ADAMTS17: variants seen among roughly 807,000 people sequenced by gnomAD.
ADAMTS17 encodes the protein ADAM metallopeptidase with thrombospondin type 1 motif 17, also known as A disintegrin and metalloproteinase with thrombospondin motifs 17.
In ADAMTS17, 113 loss-of-function variants were observed where a neutral mutation model predicts 141.5. The ratio of observed to expected loss-of-function variants is 0.80; its 90% CI spans 0.69 to 0.93. The LOEUF (loss-of-function observed/expected upper bound fraction) is 0.93, where lower values mean the gene tolerates loss of function less well. Among genes scored for constraint, ADAMTS17 ranks in the 40% least tolerant of loss-of-function variants. The pLI is 0.00. For synonymous variants in ADAMTS17, 768 were observed against 630.6 expected (o/e 1.22, Z -3.27); for missense variants, 1,659 against 1,517.9 (o/e 1.09, Z -1.54).
rs369750970 is a variant in ADAMTS17 at position 100,258,000 on chromosome 15, C to T, written c.1031+3479G>A. 6.3e-4 allele frequency among the ~76,000 whole-genome samples: 96 copies of T among 152,326 alleles called. No individual in the cohort carries two copies. The South Asian group carries it at 0.018, about 28-fold the overall frequency. The stretch of plus-strand genomic sequence containing the variant: ...TAGGTACCTCACATAAGTGGAATCA[C>T]GCAGTATTTGTCCTTGAGGTTCATC... On this transcript the variant is annotated intron_variant, in intron 6 of 21. Coordinates refer to ENST00000268070, the MANE Select transcript of ADAMTS17 (RefSeq NM_139057.4).
intron 3 of ADAMTS17, chr15:100,306,714 G>C (rs79519844): frequency 0.012 from 4,604 of 381,346 alleles, 199 homozygotes; most frequent in African/African-American, 0.088. Flanking sequence ...ACAGCAGTCA[G>C]CGCCATAACT....
chr15:100,295,253 G>A (rs888516792), intron 3 of ADAMTS17, among the ~76,000 whole-genome samples: 2 of 152,132 alleles, frequency 1.3e-5, no homozygotes, highest in Admixed American at 1.3e-4. Context: ...TCTGCCTCTT[G>A]TCTCCCAGCC....
chr15:100,135,073 A>T (rs908621272), intron 10 of ADAMTS17, among the ~76,000 whole-genome samples: 1 of 152,148 alleles, frequency 6.6e-6, no homozygotes, highest in Non-Finnish European at 1.5e-5. Context: ...AGCGGTTGGG[A>T]TTAGGAGAAA....
chr15:99,971,529 A>ATGTT lies in ADAMTS17; in HGVS notation c.*2869_*2872dup, dbSNP rs1407264969. The ATGTT allele has an allele frequency of 5.3e-5, 8 of 152,234 alleles. No homozygotes were observed. The highest frequency in any genetic ancestry group is 9.6e-5 in the African/African-American group (4 of 41,462). 9.4% of individuals were successfully genotyped at this position (152,234 alleles called of 1,614,324 possible). A position where few individuals can be genotyped will look rare whatever the true frequency, so the allele number is the denominator to read the frequency against. On this transcript the variant is annotated 3_prime_UTR_variant, in exon 22 of 22. Coordinates refer to ENST00000268070, the MANE Select transcript of ADAMTS17 (RefSeq NM_139057.4). ...TAATTTTCATGTATAATGGCGTCCA[A>ATGTT]TGTTTGTCTTCCGTTTTTTTTCCTT...
At chr15:100,183,901 G>A (rs1567315335) in intron 8 of ADAMTS17, among the ~76,000 whole-genome samples, 1 of 152,198 alleles carries the variant, frequency 6.6e-6, no homozygotes, top group Non-Finnish European at 1.5e-5. Flanking sequence ...CTCCTCTTCA[G>A]TCGCTGCTGG....
At chr15:100,128,026 T>C (rs942311542) in intron 12 of ADAMTS17, among the ~76,000 whole-genome samples, 1 of 152,104 alleles carries the variant, frequency 6.6e-6, no homozygotes, top group Non-Finnish European at 1.5e-5. Flanking sequence ...ACCCTCCTCA[T>C]GACCAGACAT....
rs1051762498 is a variant in ADAMTS17, at chr15:100,099,339, C to T, written c.2017-2863G>A. On this transcript the variant is annotated intron_variant, in intron 14 of 21. Transcript: ENST00000268070. ...CAAAATCTGCGAACGGGGGCATTTT[C>T]TTCCATTGTTTCAGTCAGCGCAAGC... Among the ~76,000 whole-genome samples, 16 of 152,308 alleles carry T rather than the reference C, an allele frequency of 1.1e-4. 1 individual carries two copies. The highest frequency in any genetic ancestry group is 3.4e-4 in the African/African-American group (14 of 41,578).
intron 10 of ADAMTS17, among the ~76,000 whole-genome samples, chr15:100,146,106 G>A (rs2038890801): frequency 6.6e-6 from 1 of 152,236 alleles, no homozygotes; most frequent in African/African-American, 2.4e-5. Flanking sequence ...CTGGGAGGTG[G>A]AGGTTGCACT....
intron 13 of ADAMTS17, among the ~76,000 whole-genome samples, chr15:100,113,951 T>C (rs2036952339): frequency 1.3e-5 from 2 of 152,212 alleles, no homozygotes; most frequent in African/African-American, 4.8e-5. Flanking sequence ...GACTGAACTC[T>C]TGAAGGTTTC....
At chr15:100,140,823 T>A (rs1478533168) in intron 10 of ADAMTS17, among the ~76,000 whole-genome samples, 1 of 152,044 alleles carries the variant, frequency 6.6e-6, no homozygotes, top group Non-Finnish European at 1.5e-5. Flanking sequence ...CATCCTCTCA[T>A]CTGCAGTGAG....
At chr15:100,301,364 G>T (rs11636186) in intron 3 of ADAMTS17, among the ~76,000 whole-genome samples, 62,720 of 150,746 alleles carry the variant, frequency 0.42, 13,225 homozygotes, top group South Asian at 0.52. Context: ...AGTCTCTGTT[G>T]CCCAGGCTGA....
chr15:100,029,694 A>G (rs1239364551), intron 18 of ADAMTS17, among the ~76,000 whole-genome samples: 1 of 152,140 alleles, frequency 6.6e-6, no homozygotes, highest in Non-Finnish European at 1.5e-5. Flanking sequence ...TCCCTCCTAG[A>G]TAAGCCCCAT....
At chr15:100,062,019 G>A (rs767442333) in intron 15 of ADAMTS17, among the ~76,000 whole-genome samples, 3 of 152,200 alleles carry the variant, frequency 2.0e-5, no homozygotes, top group African/African-American at 2.4e-5. Context: ...GGCTCTTTGC[G>A]AATTTAGTAA....
chr15:100,199,482 G>T, intron 7 of ADAMTS17, 59 bp from the exon 8 acceptor site: 5 of 1,429,526 alleles, frequency 3.5e-6, no homozygotes, highest in Non-Finnish European at 3.0e-6. Flanking sequence ...GGTCTCACCG[G>T]GCAAGTCCGC....
intron 18 of ADAMTS17, among the ~76,000 whole-genome samples, chr15:100,009,304 T>C (rs2061108813): frequency 6.6e-6 from 1 of 152,172 alleles, no homozygotes; most frequent in African/African-American, 2.4e-5. Context: ...GGGTCCTCTG[T>C]GCCTCAGTTC....
rs1044367448 is a variant in ADAMTS17 at position 99,974,039 on chromosome 15, G to A, written c.*363C>T. Reference sequence around the variant, plus strand: ...CTCGTTTTGGGGATGTTTCCTCCATGATATACCAAGCACTGGAAATTCAAA... The same window carrying A: ...CTCGTTTTGGGGATGTTTCCTCCATAATATACCAAGCACTGGAAATTCAAA... On this transcript the variant is annotated 3_prime_UTR_variant, in exon 22 of 22. Transcript: ENST00000268070. 6 of 362,682 alleles carry A rather than the reference G, an allele frequency of 1.7e-5. No individual in the cohort carries two copies. In the Admixed American group the frequency reaches 2.4e-4, roughly 15 times the overall value. The allele number at this position is 362,682 out of a possible 1,614,324, so 22.5% of individuals were successfully genotyped here.
intron 3 of ADAMTS17, among the ~76,000 whole-genome samples, chr15:100,290,129 C>T (rs557739771): frequency 6.6e-6 from 1 of 152,168 alleles, no homozygotes; most frequent in African/African-American, 2.4e-5. Flanking sequence ...ATCTCTACCC[C>T]CAAAAGCTCC....
At chr15:100,036,367 A>G (rs1212937580) in intron 18 of ADAMTS17, among the ~76,000 whole-genome samples, 1 of 152,234 alleles carries the variant, frequency 6.6e-6, no homozygotes, top group Non-Finnish European at 1.5e-5. Context: ...GAAGCAGCCC[A>G]GCATGATAAA....
chr15:100,179,731 G>C (rs1456760486), intron 8 of ADAMTS17, among the ~76,000 whole-genome samples: 1 of 152,158 alleles, frequency 6.6e-6, no homozygotes, highest in Non-Finnish European at 1.5e-5. Flanking sequence ...TTGGATAAAA[G>C]CCTTTATAAC....
Sources: allele counts gnomAD v4.1 joint callset (sites outside exome capture counted in the v4.1 genomes callset), GRCh38; gene constraint gnomAD v4.1.1; transcripts MANE v1.5; gene names NCBI Gene and HGNC (gene_info 2026-07-23, HGNC 2026-07-21).